The following ROBO2 variants were observed in gnomAD, a reference collection of about 807,000 sequenced individuals.
ROBO2 encodes roundabout homolog 2.
A neutral mutation model predicts 160.8 loss-of-function variants in ROBO2; 53 were observed. The ratio of observed to expected loss-of-function variants is 0.33; its 90% CI spans 0.26 to 0.41. The LOEUF is 0.41. Among genes scored for constraint, ROBO2 ranks in the 10% least tolerant of loss-of-function variants. The pLI, the probability that ROBO2 is intolerant of heterozygous loss-of-function variation, is 1.00. For synonymous variants in ROBO2, 664 were observed against 611.7 expected (o/e 1.09, Z -1.26); for missense variants, 1,577 against 1,722.4 (o/e 0.92, Z 1.49).
At chr3:76,119,595 A>G (rs2108279627) in intron 2 of ROBO2, among the ~76,000 whole-genome samples, 1 of 152,072 alleles carries the variant, frequency 6.6e-6, no homozygotes, top group East Asian at 1.9e-4. Flanking sequence ...ACTTTTTCTT[A>G]TACTTCTAGG....
In ROBO2 at chr3:77,174,626, A is replaced by T. The variant is rs553993408; in HGVS notation, c.388+76286A>T. On this transcript the variant is annotated intron_variant, in intron 2 of 25. Transcript: ENST00000461745. Reference sequence around the variant, plus strand: ...TACCTCAAAATTTCTCCAAATCTTCATTTATCATTTCCTATTTCTGTTCTG... The same window carrying T: ...TACCTCAAAATTTCTCCAAATCTTCTTTTATCATTTCCTATTTCTGTTCTG... Among the ~76,000 whole-genome samples the T allele has an allele frequency of 5.8e-4, 88 of 152,126 alleles. No homozygotes were observed. The South Asian group carries it at 0.018, about 30-fold the overall frequency.
intron 2 of ROBO2, among the ~76,000 whole-genome samples, chr3:77,265,918 T>C (rs952756197): frequency 2.0e-5 from 3 of 152,194 alleles, no homozygotes; most frequent in Non-Finnish European, 4.4e-5. Flanking sequence ...GGAATCCAAG[T>C]TTGCCTGTTT....
chr3:77,239,351 C>A (rs62249666), intron 2 of ROBO2, among the ~76,000 whole-genome samples: 6 of 152,024 alleles, frequency 3.9e-5, no homozygotes, highest in African/African-American at 1.4e-4. Context: ...TCATTCCTCC[C>A]GGTGGGCTTG....
intron 2 of ROBO2, among the ~76,000 whole-genome samples, chr3:77,292,267 A>G (rs1204102867): frequency 6.6e-6 from 1 of 151,682 alleles, no homozygotes; most frequent in Non-Finnish European, 1.5e-5. Context: ...CAAACGGGTA[A>G]GCTGAGGCTA....
At chr3:76,181,993 TAAGG>T (rs1701529339) in intron 2 of ROBO2, among the ~76,000 whole-genome samples, 1 of 152,132 alleles carries the variant, frequency 6.6e-6, no homozygotes, top group Non-Finnish European at 1.5e-5. Context: ...GAAGCATTAA[TAAGG>T]AAGAAAGATT....
intron 2 of ROBO2, among the ~76,000 whole-genome samples, chr3:76,729,846 CA>C (rs1242403135): frequency 6.6e-6 from 1 of 152,068 alleles, no homozygotes; most frequent in Non-Finnish European, 1.5e-5. Context: ...CCATCTTGGC[CA>C]GGCTGGTCTC....
chr3:76,828,977 T>C (rs1372768056), intron 2 of ROBO2, among the ~76,000 whole-genome samples: 10 of 152,098 alleles, frequency 6.6e-5, no homozygotes, highest in Non-Finnish European at 1.0e-4. Flanking sequence ...TCCATGATTC[T>C]TTTGCCCACC....
chr3:77,604,191 A>G (rs1201003367), intron 20 of ROBO2: 1 of 152,164 alleles, frequency 6.6e-6, no homozygotes, highest in East Asian at 1.9e-4. Context: ...AATTTTAAAC[A>G]TCTGTTATGA....
intron 2 of ROBO2, among the ~76,000 whole-genome samples, chr3:76,392,737 CA>C (rs1458844752): frequency 1.8e-4 from 27 of 152,208 alleles, no homozygotes; most frequent in South Asian, 4.1e-4. Context: ...AATATCAGAA[CA>C]TTTTTTTATA....
At chr3:77,165,980 CTGTA>C (rs1433461278) in intron 2 of ROBO2, among the ~76,000 whole-genome samples, 1 of 152,224 alleles carries the variant, frequency 6.6e-6, no homozygotes, top group African/African-American at 2.4e-5. Flanking sequence ...CTATCTCTCT[CTGTA>C]TGTACAACAC....
chr3:77,352,808 C>T (rs375835482), intron 2 of ROBO2, among the ~76,000 whole-genome samples: 9 of 152,174 alleles, frequency 5.9e-5, no homozygotes, highest in African/African-American at 2.2e-4. Context: ...ACTGTAGACC[C>T]CAGATGTGGG....
chr3:76,102,161 C>T (rs1172545290), intron 2 of ROBO2, among the ~76,000 whole-genome samples: 6 of 152,150 alleles, frequency 3.9e-5, no homozygotes, highest in Middle Eastern at 3.2e-3. Context: ...CACTACCACA[C>T]GAGGCTACTA....
chr3:75,975,382 G>T (rs773003044), intron 2 of ROBO2, among the ~76,000 whole-genome samples: 9 of 151,212 alleles, frequency 6.0e-5, no homozygotes, highest in Non-Finnish European at 1.2e-4. Context: ...TATTTGAAGA[G>T]CAATTTTGTC....
At chr3:77,585,072 G>T (rs1252345102) in intron 16 of ROBO2, among the ~76,000 whole-genome samples, 2 of 150,746 alleles carry the variant, frequency 1.3e-5, no homozygotes, top group African/African-American at 4.9e-5. Context: ...GAATATAATT[G>T]TTCTAAGTGA....
At chr3:76,129,948 A>G (rs2071161533) in intron 2 of ROBO2, among the ~76,000 whole-genome samples, 1 of 152,086 alleles carries the variant, frequency 6.6e-6, no homozygotes, top group Non-Finnish European at 1.5e-5. Flanking sequence ...GATCTGAAGT[A>G]TAAAAATAGC....
At chr3:77,284,437 T>C (rs944340930) in intron 2 of ROBO2, among the ~76,000 whole-genome samples, 1 of 152,112 alleles carries the variant, frequency 6.6e-6, no homozygotes, top group Non-Finnish European at 1.5e-5. Context: ...AATGGGATAA[T>C]ATAAGCTGTT....
In ROBO2 at chr3:77,435,513, AT is replaced by A. The variant is rs554800477; in HGVS notation, c.389-41893del. Among the ~76,000 whole-genome samples, 89 of 151,968 alleles carry A rather than the reference AT, an allele frequency of 5.9e-4. 1 individual carries two copies. The South Asian group carries it at 1.0e-2, about 17-fold the overall frequency. ...TTGAATACAGGTTTAACAATTTCAA[AT>A]TTTTTTTCCATCTAAATTCTACCTT... On this transcript the variant is annotated intron_variant, in intron 2 of 25. Transcript: ENST00000461745.
intron 2 of ROBO2, among the ~76,000 whole-genome samples, chr3:76,399,123 T>C (rs2077661158): frequency 1.3e-5 from 2 of 151,894 alleles, no homozygotes; most frequent in East Asian, 3.9e-4. Flanking sequence ...TGAAATCATA[T>C]ACAGAGAGAT....
intron 2 of ROBO2, among the ~76,000 whole-genome samples, chr3:76,644,819 A>G (rs1395290393): frequency 6.4e-4 from 97 of 152,228 alleles, no homozygotes; most frequent in Non-Finnish European, 8.8e-5. Context: ...GGCAGTTAAT[A>G]ATAATAAAAG....
Sources: allele counts gnomAD v4.1 joint callset (sites outside exome capture counted in the v4.1 genomes callset), GRCh38; gene constraint gnomAD v4.1.1; transcripts MANE v1.5; gene names NCBI Gene and HGNC (gene_info 2026-07-23, HGNC 2026-07-21).